Variants in MAGI1 observed in about 807,000 individuals in gnomAD.
MAGI1 encodes the protein membrane associated guanylate kinase, WW and PDZ domain containing 1, also known as membrane-associated guanylate kinase, WW and PDZ domain-containing protein 1.
Under a neutral mutation model 139.9 loss-of-function variants are expected in MAGI1, and 58 were observed. That is an observed-to-expected ratio of 0.41 (90% CI 0.34 to 0.52). The LOEUF (loss-of-function observed/expected upper bound fraction) is 0.52. Among genes scored for constraint, MAGI1 ranks in the 20% least tolerant of loss-of-function variants. The probability of loss-of-function intolerance (pLI) is 0.12; values close to 1 mark genes in which losing one functional copy is unlikely to be tolerated. For missense variants in MAGI1, 1,874 were observed against 1,901.6 expected, an observed-to-expected ratio of 0.99 and a Z score of 0.27; for synonymous variants, 812 against 737.9, an observed-to-expected ratio of 1.10 and a Z score of -1.63.
chr3:65,700,010 A>C (rs1018712467), intron 1 of MAGI1, among the ~76,000 whole-genome samples: 9 of 152,094 alleles, frequency 5.9e-5, no homozygotes, highest in Admixed American at 5.9e-4. Context: ...TCCAAAGCAC[A>C]CTCAAGTTTG....
intron 14 of MAGI1, among the ~76,000 whole-genome samples, 166 bp from the exon 15 acceptor site, chr3:65,383,789 A>G (rs559276798): frequency 6.6e-6 from 1 of 152,366 alleles, no homozygotes; most frequent in South Asian, 2.1e-4. Context: ...ATAATGGAAG[A>G]CACGGGGATA....
At chr3:65,549,729 C>T (rs947321947) in intron 2 of MAGI1, among the ~76,000 whole-genome samples, 4 of 152,034 alleles carry the variant, frequency 2.6e-5, no homozygotes, top group Non-Finnish European at 5.9e-5. Context: ...GCTTTCAGGG[C>T]ACCCACTAGG....
At position 65,430,110 on chromosome 3, in the gene MAGI1, C is replaced by T. The variant is rs777207513; in HGVS notation, c.1577G>A (p.Cys526Tyr). The change falls in exon 12 of 23, where the codon TGT becomes TAT. Residue 526 changes from cysteine (C) to tyrosine (Y), a missense_variant. Transcript: ENST00000402939. Reference sequence around the variant, plus strand: ...TTGAGCATGTGTGTGTCCCAAAACACAGGTGTCATTCACACTTACAATCAC... The same window carrying T: ...TTGAGCATGTGTGTGTCCCAAAACATAGGTGTCATTCACACTTACAATCAC... ...GDVIVSVNDTCVLGHTHAQVV... is the reference protein window; with the variant it reads ...GDVIVSVNDTYVLGHTHAQVV... The T allele has an allele frequency of 6.2e-7, 1 of 1,613,590 alleles. No homozygotes were observed. Among genetic ancestry groups the T allele is most frequent in the Non-Finnish European group, 8.5e-7 (1 of 1,179,692 alleles).
chr3:65,994,472 AC>A (rs1208393800), intron 1 of MAGI1, among the ~76,000 whole-genome samples: 3 of 152,130 alleles, frequency 2.0e-5, no homozygotes, highest in Non-Finnish European at 4.4e-5. Context: ...CAGTCGGTCC[AC>A]CCTGGGTGCT....
At chr3:65,694,118 A>G (rs2088930455) in intron 1 of MAGI1, among the ~76,000 whole-genome samples, 1 of 152,240 alleles carries the variant, frequency 6.6e-6, no homozygotes, top group Non-Finnish European at 1.5e-5. Flanking sequence ...AAAACTGGTG[A>G]TGTAAAATAG....
chr3:65,381,138 G>A (rs1315286453), intron 16 of MAGI1, among the ~76,000 whole-genome samples: 1 of 152,104 alleles, frequency 6.6e-6, no homozygotes, highest in African/African-American at 2.4e-5. Context: ...TGTGTTCAAC[G>A]TGAGCTTTCA....
Position 65,379,565 on chromosome 3 carries a change from G to C in MAGI1, c.2702-11C>G, listed in dbSNP as rs761129021. The C allele has an allele frequency of 6.2e-7, 1 of 1,600,836 alleles. No individual in the cohort carries two copies. Among genetic ancestry groups the C allele is most frequent in the African/African-American group, 1.3e-5 (1 of 74,786 alleles). Reference sequence around the variant, plus strand: ...TCTCGGTTTTGGGCACTGTAGCAGAGAGATGCACGCGTACATCACCGTGTC... The same window carrying C: ...TCTCGGTTTTGGGCACTGTAGCAGACAGATGCACGCGTACATCACCGTGTC... On this transcript the variant is annotated splice_polypyrimidine_tract_variant and intron_variant, in intron 16 of 22. Coordinates refer to ENST00000402939, the MANE Select transcript of MAGI1 (RefSeq NM_001033057.2).
chr3:66,031,160 T>C (rs1309812603), intron 1 of MAGI1, among the ~76,000 whole-genome samples: 1 of 152,228 alleles, frequency 6.6e-6, no homozygotes, highest in Non-Finnish European at 1.5e-5. Flanking sequence ...TGCAGTAACC[T>C]ACTTTTTTAG....
chr3:65,853,677 CAA>C (rs971394893), intron 1 of MAGI1, among the ~76,000 whole-genome samples: 1 of 152,160 alleles, frequency 6.6e-6, no homozygotes, highest in Non-Finnish European at 1.5e-5. Flanking sequence ...TGCAAGGAAA[CAA>C]AAGCAGTCTC....
intron 1 of MAGI1, among the ~76,000 whole-genome samples, chr3:65,860,523 G>A (rs559592753): frequency 1.8e-4 from 27 of 152,262 alleles, no homozygotes; most frequent in African/African-American, 5.5e-4. Context: ...CCCTCCCTCC[G>A]CACCGATTAA....
intron 1 of MAGI1, among the ~76,000 whole-genome samples, chr3:65,946,947 A>C (rs1197748196): frequency 6.6e-6 from 1 of 152,228 alleles, no homozygotes; most frequent in African/African-American, 2.4e-5. Flanking sequence ...ATGAAAGCTA[A>C]GCAGTATGCA....
chr3:65,469,094 A>G (rs1424619150), intron 5 of MAGI1, among the ~76,000 whole-genome samples: 1 of 152,196 alleles, frequency 6.6e-6, no homozygotes, highest in African/African-American at 2.4e-5. Flanking sequence ...CCAACTGTTA[A>G]TAGATACTTC....
At chr3:65,983,321 T>A (rs2065687861) in intron 1 of MAGI1, among the ~76,000 whole-genome samples, 1 of 152,216 alleles carries the variant, frequency 6.6e-6, no homozygotes, top group East Asian at 1.9e-4. Context: ...TTAGTAGTGC[T>A]CTCCTTTGAA....
intron 1 of MAGI1, among the ~76,000 whole-genome samples, chr3:65,636,019 A>G (rs1034587203): frequency 1.3e-5 from 2 of 152,214 alleles, no homozygotes; most frequent in Non-Finnish European, 2.9e-5. Context: ...TCAACAGAGC[A>G]TCCTTGAGTC....
intron 1 of MAGI1, among the ~76,000 whole-genome samples, chr3:65,950,078 C>CAAAAAAAAAAAAAAAAAAAAAAAA (rs751496271): frequency 7.4e-5 from 3 of 40,336 alleles, no homozygotes; most frequent in South Asian, 1.8e-3. Flanking sequence ...AAAAAAAAAA[C>CAAAAAAAAAAAAAAAAAAAAAAAA]AAAAAAAAAA....
chr3:65,463,637 T>A (rs1474446922), intron 5 of MAGI1, among the ~76,000 whole-genome samples: 2 of 130,550 alleles, frequency 1.5e-5, no homozygotes, highest in African/African-American at 5.0e-5. Flanking sequence ...GATGCTGGCC[T>A]CACAAAAAGA....
chr3:65,896,715 A>C (rs1372547611), intron 1 of MAGI1, among the ~76,000 whole-genome samples: 4 of 152,196 alleles, frequency 2.6e-5, no homozygotes, highest in Non-Finnish European at 5.9e-5. Flanking sequence ...CTAAATACCC[A>C]ACAATAATAT....
At chr3:65,823,192 T>C (rs559089508) in intron 1 of MAGI1, among the ~76,000 whole-genome samples, 3 of 152,200 alleles carry the variant, frequency 2.0e-5, no homozygotes, top group Non-Finnish European at 4.4e-5. Context: ...CATCTAAAAA[T>C]TATTTCATAA....
intron 1 of MAGI1, among the ~76,000 whole-genome samples, chr3:65,904,181 C>T (rs573862119): frequency 6.6e-6 from 1 of 152,212 alleles, no homozygotes; most frequent in South Asian, 2.1e-4. Flanking sequence ...AATGAGACAC[C>T]ACTACCCTGA....
Sources: gnomAD v4.1 joint callset for allele counts (sites outside exome capture counted in the v4.1 genomes callset) on GRCh38, gnomAD v4.1.1 for gene constraint, MANE v1.5 for transcripts, NCBI Gene and HGNC (gene_info 2026-07-23, HGNC 2026-07-21) for gene names.